ZNF609: variants seen among roughly 807,000 people sequenced by gnomAD.
The protein encoded by ZNF609 is zinc finger protein 609.
In ZNF609, 11 loss-of-function variants were observed where a neutral mutation model predicts 109.5. The observed-to-expected ratio is 0.10, with a 90% confidence interval of 0.06 to 0.17. The LOEUF (loss-of-function observed/expected upper bound fraction) is 0.17, where lower values mean the gene tolerates loss of function less well. Among genes scored for constraint, ZNF609 ranks in the 10% least tolerant of loss-of-function variants. ZNF609 has a pLI of 1.00. For synonymous variants in ZNF609, 646 were observed against 662.0 expected, an observed-to-expected ratio of 0.98 and a Z score of 0.37; for missense variants, 1,559 against 1,772.4, an observed-to-expected ratio of 0.88 and a Z score of 2.16.
chr15:64,489,217 A>T (rs1164292779), intron 1 of ZNF609, among the ~76,000 whole-genome samples: 1 of 148,782 alleles, frequency 6.7e-6, no homozygotes, highest in Non-Finnish European at 1.5e-5. Context: ...ATGGAGTCTC[A>T]CTCTCTCTCC....
intron 1 of ZNF609, among the ~76,000 whole-genome samples, chr15:64,476,097 A>T (rs1334718673): frequency 6.6e-6 from 1 of 152,180 alleles, no homozygotes; most frequent in Non-Finnish European, 1.5e-5. Flanking sequence ...GTGGTGATGC[A>T]TGGCAGGTGG....
intron 1 of ZNF609, among the ~76,000 whole-genome samples, chr15:64,467,907 C>G (rs889883493): frequency 5.3e-5 from 8 of 152,110 alleles, no homozygotes; most frequent in Admixed American, 1.3e-4. Flanking sequence ...GTTGCTTCTT[C>G]TGTTCTAACA....
At chr15:64,514,518 CAT>C (rs1162681642) in intron 2 of ZNF609, among the ~76,000 whole-genome samples, 7 of 152,290 alleles carry the variant, frequency 4.6e-5, no homozygotes, top group Admixed American at 2.6e-4. Flanking sequence ...CTCTTACCAA[CAT>C]AAATATTTCT....
chr15:64,613,840 G>A (rs561861519), intron 2 of ZNF609, among the ~76,000 whole-genome samples: 6 of 150,810 alleles, frequency 4.0e-5, no homozygotes, highest in South Asian at 2.1e-4. Context: ...GAGCCACTCC[G>A]CCTGGCCTAA....
intron 1 of ZNF609, among the ~76,000 whole-genome samples, chr15:64,484,873 C>T (rs969153834): frequency 7.2e-5 from 11 of 151,874 alleles, no homozygotes; most frequent in African/African-American, 2.7e-4. Context: ...ATTCAGGAGG[C>T]TGAGGCAGGA....
chr15:64,541,839 CAAAAAAA>C (rs59597800), intron 2 of ZNF609, among the ~76,000 whole-genome samples: 104 of 42,202 alleles, frequency 2.5e-3, no homozygotes, highest in African/African-American at 7.6e-3. Flanking sequence ...GACTCCAACT[CAAAAAAA>C]AAAAAAAAAA....
intron 2 of ZNF609, chr15:64,501,822 A>G (rs1284113429): frequency 6.6e-6 from 1 of 152,194 alleles, no homozygotes; most frequent in African/African-American, 2.4e-5. Flanking sequence ...CTGTGGATGA[A>G]AGGATTAATA....
At chr15:64,560,030 T>TA (rs1371301963) in intron 2 of ZNF609, among the ~76,000 whole-genome samples, 1 of 152,164 alleles carries the variant, frequency 6.6e-6, no homozygotes, top group Non-Finnish European at 1.5e-5. Flanking sequence ...ATTACATACT[T>TA]ACCACCCTTC....
In ZNF609 at chr15:64,560,255, C is replaced by T. The variant is rs546592060; in HGVS notation, c.747+60089C>T. 1.3e-3 allele frequency among the ~76,000 whole-genome samples: 194 copies of T among 152,050 alleles called. 2 individuals carry two copies. The highest frequency in any genetic ancestry group is 2.8e-4 in the Non-Finnish European group (19 of 67,994). On this transcript the variant is annotated intron_variant, in intron 2 of 9. Coordinates refer to ENST00000326648, the MANE Select transcript of ZNF609 (RefSeq NM_015042.2). The stretch of plus-strand genomic sequence containing the variant: ...TAGAGATGGGGTTTCACCATGTTGG[C>T]CTGGATGGTCTTGATCTCTTGACCT...
chr15:64,639,381 A>G (rs1896221465), intron 3 of ZNF609, among the ~76,000 whole-genome samples: 1 of 152,252 alleles, frequency 6.6e-6, no homozygotes, highest in Non-Finnish European at 1.5e-5. Flanking sequence ...ATTATTTCAC[A>G]GTTCCTGAGG....
intron 2 of ZNF609, among the ~76,000 whole-genome samples, chr15:64,521,554 ACT>A (rs1382960667): frequency 6.6e-6 from 1 of 152,022 alleles, no homozygotes; most frequent in Non-Finnish European, 1.5e-5. Flanking sequence ...TTGTTTTATA[ACT>A]CTCTTAGGAC....
chr15:64,627,392 A>G (rs1019111969), intron 3 of ZNF609, among the ~76,000 whole-genome samples: 1 of 152,130 alleles, frequency 6.6e-6, no homozygotes, highest in African/African-American at 2.4e-5. Context: ...GTTCTAGGAG[A>G]TGCTATAGGT....
chr15:64,513,899 C>T (rs1257401227), intron 2 of ZNF609, among the ~76,000 whole-genome samples: 1 of 151,970 alleles, frequency 6.6e-6, no homozygotes, highest in Non-Finnish European at 1.5e-5. Flanking sequence ...CAAGACCAGC[C>T]TGAGCAACAT....
rs138398461 is a variant in ZNF609, at chr15:64,484,733, T to C, written c.-127-14560T>C. Among the ~76,000 whole-genome samples, 934 of 148,682 alleles carry C rather than the reference T, an allele frequency of 6.3e-3. 9 individuals are homozygous for C. Among genetic ancestry groups the C allele is most frequent in the Middle Eastern group, 7.4e-3 (2 of 272 alleles). On this transcript the variant is annotated intron_variant, in intron 1 of 9. Coordinates refer to ENST00000326648, the MANE Select transcript of ZNF609 (RefSeq NM_015042.2). ...GCTTATGCCTGTAATCCCAGCACTT[T>C]GGGAGGCCGAGGCGGGCGGATCATG...
intron 1 of ZNF609, among the ~76,000 whole-genome samples, chr15:64,494,332 G>A (rs1475466087): frequency 6.6e-6 from 1 of 152,066 alleles, no homozygotes. Context: ...TGCTTCACAG[G>A]TGATTATGCT....
chr15:64,546,592 C>G (rs191343548), intron 2 of ZNF609, among the ~76,000 whole-genome samples: 12 of 151,928 alleles, frequency 7.9e-5, no homozygotes, highest in African/African-American at 2.9e-4. Flanking sequence ...TCTACTTTAG[C>G]CTGCTGAGTA....
At position 64,484,229 on chromosome 15, in the gene ZNF609, A is replaced by G. The variant is rs542339139; in HGVS notation, c.-127-15064A>G. On this transcript the variant is annotated intron_variant, in intron 1 of 9. Transcript: ENST00000326648. ...ACTCTTCCAGGTAGTTAGGTCCCCA[A>G]ATTGTTGAGATTATGCTTCAGGAAT... Among the ~76,000 whole-genome samples the G allele has an allele frequency of 5.4e-4, 83 of 152,302 alleles. No homozygotes were observed. In the Middle Eastern group the frequency reaches 0.01, roughly 19 times the overall value.
chr15:64,603,771 C>T (rs1895545765), intron 2 of ZNF609, among the ~76,000 whole-genome samples: 1 of 151,624 alleles, frequency 6.6e-6, no homozygotes, highest in African/African-American at 2.4e-5. Flanking sequence ...GAGGCCGAGG[C>T]AGGTGGATCA....
chr15:64,483,962 G>GT lies in ZNF609; in HGVS notation c.-127-15322dup, dbSNP rs528552554. Among the ~76,000 whole-genome samples, 39 of 150,064 alleles carry GT rather than the reference G, an allele frequency of 2.6e-4. 2 individuals are homozygous for GT. The highest frequency in any genetic ancestry group is 1.3e-3 in the South Asian group (6 of 4,686). ...TTTCTGCCTGCTTACTTGGTTTTGT[G>GT]TTTTTTTTTCCCCCATTGCACTGTG... On this transcript the variant is annotated intron_variant, in intron 1 of 9. Transcript: ENST00000326648.
Sources: gnomAD v4.1 joint callset for allele counts (sites outside exome capture counted in the v4.1 genomes callset) on GRCh38, gnomAD v4.1.1 for gene constraint, MANE v1.5 for transcripts, NCBI Gene and HGNC (gene_info 2026-07-23, HGNC 2026-07-21) for gene names.